DNAH10: variants seen among roughly 807,000 people sequenced by gnomAD.
DNAH10 encodes the protein axonemal beta dynein heavy chain 10.
A neutral mutation model predicts 506.6 loss-of-function variants in DNAH10; 348 were observed. That is an observed-to-expected ratio of 0.69 (90% confidence interval 0.63 to 0.75). The LOEUF (loss-of-function observed/expected upper bound fraction) is 0.75. Among genes scored for constraint, DNAH10 ranks in the 30% least tolerant of loss-of-function variants. The pLI is 0.00. For missense variants in DNAH10, 5,179 were observed against 5,787.1 expected (o/e 0.89, Z 3.41); for synonymous variants, 2,059 against 2,198.6 (o/e 0.94, Z 1.78).
Position 123,783,227 on chromosome 12 carries a change from C to T in DNAH10, c.962C>T (p.Ser321Phe). The T allele has an allele frequency of 6.2e-7, 1 of 1,614,128 alleles. No individual in the cohort carries two copies. The highest frequency in any genetic ancestry group is 1.7e-5 in the Admixed American group (1 of 60,004). ...QCVINWLNQI[S>F]TAVEAQLKKT... Reference sequence around the variant, plus strand: ...GTGATAAACTGGCTGAATCAGATATCCACAGCGGTTGAGGCCCAACTGAAG... The same window carrying T: ...GTGATAAACTGGCTGAATCAGATATTCACAGCGGTTGAGGCCCAACTGAAG... The change falls in exon 7 of 79, where the codon TCC becomes TTC. Residue 321 changes from serine (S) to phenylalanine (F), a missense_variant. Ser to Phe is a radical substitution (Grantham distance 155). Transcript: ENST00000673944.
intron 5 of DNAH10, among the ~76,000 whole-genome samples, chr12:123,776,602 C>T (rs368013838): frequency 6.7e-6 from 1 of 149,168 alleles, no homozygotes; most frequent in East Asian, 2.0e-4. Context: ...TGCCACTGCA[C>T]TACAGCCTGG....
At chr12:123,898,090 T>G in intron 55 of DNAH10, 123 bp downstream of exon 55, 1 of 938,008 alleles carries the variant, frequency 1.1e-6, no homozygotes, top group Non-Finnish European at 1.5e-6. Context: ...GAAGCACATC[T>G]TGGATTTTGT....
At position 123,897,891 on chromosome 12, in the gene DNAH10, T is replaced by C; in HGVS notation, c.9402T>C (p.Tyr3134=). The change falls in exon 55 of 79, where the codon TAT becomes TAC. Residue 3134 remains tyrosine (Y), a synonymous_variant. Coordinates refer to ENST00000673944, the MANE Select transcript of DNAH10 (RefSeq NM_001372106.1). ...QFLQKLRRSN[Y]VTPKNYLDFI... is the part of the protein sequence containing the mutation. The stretch of plus-strand genomic sequence containing the variant: ...TACAGAAATTGAGGCGCAGCAACTA[T>C]GTCACTCCCAAGAACTACCTTGATT... 1 of 1,611,622 alleles carries C rather than the reference T, an allele frequency of 6.2e-7. No individual in the cohort carries two copies. Among genetic ancestry groups the C allele is most frequent in the South Asian group, 1.1e-5 (1 of 90,150 alleles).
intron 51 of DNAH10, among the ~76,000 whole-genome samples, chr12:123,884,560 C>G (rs1032175497): frequency 6.6e-6 from 1 of 152,108 alleles, no homozygotes; most frequent in African/African-American, 2.4e-5. Context: ...GATGACAGCA[C>G]GAAAAGTCTT....
chr12:123,786,865 C>G (rs1279511835), intron 9 of DNAH10, among the ~76,000 whole-genome samples: 1 of 151,954 alleles, frequency 6.6e-6, no homozygotes, highest in Non-Finnish European at 1.5e-5. Flanking sequence ...AGGCCGGGTG[C>G]GGTGGCTCAC....
rs769872346 is a variant in DNAH10, at chr12:123,929,337, T to C, written c.12369T>C (p.Ser4123=). ...LNMRATYFKI[S]HEMLDQCPHP... ...TGAGGGCAACTTACTTCAAGATCTC[T>C]CACGAAATGCTGGACCAGTGCCCGC... Residue 4123 remains serine, a synonymous_variant, in exon 71 of 79, where the codon TCT becomes TCC. Transcript: ENST00000673944. 2 of 1,608,832 alleles carry C rather than the reference T, an allele frequency of 1.2e-6. No homozygotes were observed. Among genetic ancestry groups the C allele is most frequent in the Non-Finnish European group, 1.7e-6 (2 of 1,177,612 alleles).
intron 13 of DNAH10, 55 bp from the exon 14 acceptor site, chr12:123,799,191 G>C: frequency 8.0e-6 from 12 of 1,502,200 alleles, no homozygotes; most frequent in South Asian, 6.2e-5. Context: ...TGTAGAGCGA[G>C]ATGAAAAATG....
At chr12:123,768,457 G>A (rs140634138) in intron 2 of DNAH10, among the ~76,000 whole-genome samples, 3 of 152,160 alleles carry the variant, frequency 2.0e-5, no homozygotes, top group Non-Finnish European at 4.4e-5. Flanking sequence ...TCTTATACAG[G>A]CACCAGTCAC....
intron 57 of DNAH10, among the ~76,000 whole-genome samples, chr12:123,904,964 T>G (rs965565977): frequency 1.3e-5 from 2 of 152,232 alleles, no homozygotes; most frequent in African/African-American, 4.8e-5. Flanking sequence ...ATTTCTCATA[T>G]ACACTTCCTG....
In DNAH10 at chr12:123,887,186, C is replaced by T. The variant is rs774602468; in HGVS notation, c.8868C>T (p.Phe2956=). 1 of 1,612,960 alleles carries T rather than the reference C, an allele frequency of 6.2e-7. No individual in the cohort carries two copies. The highest frequency in any genetic ancestry group is 1.1e-5 in the South Asian group (1 of 90,722). The change falls in exon 52 of 79, where the codon TTC becomes TTT. Residue 2956 remains phenylalanine, a synonymous_variant. Transcript: ENST00000673944. ...GCCGAGGCTACTCGGAGAACAGTTT[C>T]CGGGAAGACCTGAAGAGCCTCTATT... ...LLSRGYSENS[F]REDLKSLYLK...
At chr12:123,883,278 A>C (rs534722792) in intron 51 of DNAH10, among the ~76,000 whole-genome samples, 1 of 152,316 alleles carries the variant, frequency 6.6e-6, no homozygotes, top group East Asian at 1.9e-4. Context: ...TAATTGTTTG[A>C]GGAACCTCCA....
chr12:123,924,400 G>A lies in DNAH10; in HGVS notation c.11734G>A (p.Asp3912Asn), dbSNP rs1230100534. The A allele has an allele frequency of 2.5e-6, 4 of 1,613,546 alleles. No homozygotes were observed. The highest frequency in any genetic ancestry group is 3.4e-6 in the Non-Finnish European group (4 of 1,179,728). ...AGACAACTTTGGGCAACTTCCTGAT[G>A]ATGTTGAGAATAATCAGACTGTCTG... Reference protein sequence around the residue: ...FSDNFGQLPDDVENNQTVWQE... With the variant: ...FSDNFGQLPDNVENNQTVWQE... Residue 3912 changes from aspartate to asparagine, a missense_variant, in exon 67 of 79, where the codon GAT becomes AAT. Physicochemically the swap from Asp to Asn is conservative, Grantham distance 23. Around this residue, in one of 3 missense-constraint regions of DNAH10, gnomAD observed 4,844 missense variants for 5,430.5 expected, o/e 0.89. Coordinates refer to ENST00000673944, the MANE Select transcript of DNAH10 (RefSeq NM_001372106.1).
rs776207660 is a variant in DNAH10 at position 123,784,126 on chromosome 12, G to T, written c.1179G>T (p.Thr393=). Residue 393 remains threonine, a synonymous_variant, in exon 8 of 79, where the codon ACG becomes ACT. Coordinates refer to ENST00000673944, the MANE Select transcript of DNAH10 (RefSeq NM_001372106.1). ...PVFTELFKFH[T]EASDNVRFLS... is the part of the protein sequence containing the mutation. ...TCACCGAGTTATTCAAGTTCCACAC[G>T]GAGGCCTCAGACAATGTGCGCTTTC... The T allele has an allele frequency of 4.3e-6, 7 of 1,614,202 alleles. No homozygotes were observed. Among genetic ancestry groups the T allele is most frequent in the Non-Finnish European group, 4.2e-6 (5 of 1,180,038 alleles).
intron 52 of DNAH10, among the ~76,000 whole-genome samples, chr12:123,891,679 G>T (rs1952989003): frequency 6.6e-6 from 1 of 152,176 alleles, no homozygotes; most frequent in African/African-American, 2.4e-5. Context: ...TCTTTTGGGA[G>T]TCTTGGGCTC....
At chr12:123,770,380 G>A (rs565383692) in intron 2 of DNAH10, among the ~76,000 whole-genome samples, 1 of 151,716 alleles carries the variant, frequency 6.6e-6, no homozygotes. Flanking sequence ...CATCACTCCT[G>A]GATAACATTT....
chr12:123,878,176 C>T (rs966378460), intron 48 of DNAH10, among the ~76,000 whole-genome samples: 19 of 152,148 alleles, frequency 1.2e-4, no homozygotes, highest in Non-Finnish European at 2.1e-4. Flanking sequence ...GTTGACTTCT[C>T]GTTTTCAGTT....
chr12:123,797,402 T>C (rs1415506045), intron 13 of DNAH10, among the ~76,000 whole-genome samples: 1 of 151,956 alleles, frequency 6.6e-6, no homozygotes, highest in East Asian at 1.9e-4. Flanking sequence ...TTTTCTTTTT[T>C]TTTTTTTTAA....
In DNAH10 at chr12:123,931,779, C is replaced by T. The variant is rs747026186; in HGVS notation, c.13060C>T (p.Leu4354=). 3.1e-6 allele frequency: 5 copies of T among 1,613,932 alleles called. No homozygotes were observed. Among genetic ancestry groups the T allele is most frequent in the South Asian group, 1.1e-5 (1 of 91,088 alleles). Reference sequence around the variant, plus strand: ...ACTCTCCCCCACTTCGGTGGTGCTCCTGCAGGAACTGGAACGCTTCAACAA... The same window carrying T: ...ACTCTCCCCCACTTCGGTGGTGCTCTTGCAGGAACTGGAACGCTTCAACAA... ...TGLSPTSVVL[L]QELERFNKLV... The change falls in exon 75 of 79, where the codon CTG becomes TTG. Residue 4354 remains leucine (L), a synonymous_variant. Transcript: ENST00000673944.
chr12:123,843,858 G>A (rs1950856106), intron 30 of DNAH10, among the ~76,000 whole-genome samples: 2 of 152,198 alleles, frequency 1.3e-5, no homozygotes, highest in Non-Finnish European at 2.9e-5. Flanking sequence ...GATTACAGGC[G>A]TGAGCCAAAG....
Sources: allele counts gnomAD v4.1 joint callset (sites outside exome capture counted in the v4.1 genomes callset), GRCh38; gene constraint gnomAD v4.1.1; regional missense constraint gnomAD v4.1.1; transcripts MANE v1.5; gene names NCBI Gene and HGNC (gene_info 2026-07-23, HGNC 2026-07-21).